CHIA: variants seen among roughly 807,000 people sequenced by gnomAD.
The protein encoded by CHIA is acidic mammalian chitinase.
Under a neutral mutation model 53.5 loss-of-function variants are expected in CHIA, and 47 were observed. The observed-to-expected ratio is 0.88, with a 90% confidence interval of 0.70 to 1.12. The LOEUF (loss-of-function observed/expected upper bound fraction) is 1.12, where lower values mean the gene tolerates loss of function less well. Ranked by LOEUF, CHIA falls within the 50% of genes most tolerant of loss-of-function variation. The probability of loss-of-function intolerance (pLI) is 0.00; values close to 1 mark genes in which losing one functional copy is unlikely to be tolerated. For synonymous variants in CHIA, 268 were observed against 222.2 expected (o/e 1.21, Z -1.83); for missense variants, 652 against 592.2 (o/e 1.10, Z -1.05).
intron 1 of CHIA, among the ~76,000 whole-genome samples, chr1:111,305,233 T>C (rs1221403438): frequency 6.6e-6 from 1 of 152,212 alleles, no homozygotes; most frequent in Admixed American, 6.5e-5. Context: ...TAGTGTTTGA[T>C]GTCTGGCTTC....
At chr1:111,310,344 C>T in intron 1 of CHIA, 56 bp from the exon 2 acceptor site, 1 of 1,537,832 alleles carries the variant, frequency 6.5e-7, no homozygotes. Context: ...AAGAGAAGGT[C>T]CGTTGATTTA....
intron 1 of CHIA, among the ~76,000 whole-genome samples, chr1:111,297,332 C>T (rs1036050082): frequency 2.0e-5 from 3 of 152,116 alleles, no homozygotes; most frequent in Non-Finnish European, 4.4e-5. Flanking sequence ...AGAGAAAGGT[C>T]GGGTTACCCA....
chr1:111,315,677 T>C, intron 6 of CHIA: 1 of 553,354 alleles, frequency 1.8e-6, no homozygotes, highest in Non-Finnish European at 3.4e-6. Context: ...ACTCATTTCA[T>C]CTTCATATTT....
At chr1:111,315,191 C>A in intron 5 of CHIA, 79 bp from the exon 6 acceptor site, 2 of 1,047,968 alleles carry the variant, frequency 1.9e-6, no homozygotes, top group Non-Finnish European at 2.9e-6. Flanking sequence ...GGCTCTGAGG[C>A]AGGAATTGAG....
intron 1 of CHIA, among the ~76,000 whole-genome samples, chr1:111,298,828 G>C (rs1048412006): frequency 6.6e-6 from 1 of 152,000 alleles, no homozygotes; most frequent in African/African-American, 2.4e-5. Context: ...CAACAAAATT[G>C]ATAGACTGCT....
At chr1:111,293,472 T>C (rs1210927512) in intron 1 of CHIA, among the ~76,000 whole-genome samples, 1 of 152,220 alleles carries the variant, frequency 6.6e-6, no homozygotes, top group African/African-American at 2.4e-5. Context: ...AGAAGTTCTC[T>C]CTATATTCTG....
chr1:111,293,069 A>C (rs1324842374), intron 1 of CHIA, among the ~76,000 whole-genome samples: 1 of 152,142 alleles, frequency 6.6e-6, no homozygotes, highest in African/African-American at 2.4e-5. Flanking sequence ...TTTCTTTGAC[A>C]CCAAGCTTTA....
chr1:111,302,016 C>G (rs1647796932), intron 1 of CHIA, among the ~76,000 whole-genome samples: 1 of 152,102 alleles, frequency 6.6e-6, no homozygotes, highest in Non-Finnish European at 1.5e-5. Flanking sequence ...AACAAACCTG[C>G]ACGTTGTGCA....
intron 6 of CHIA, chr1:111,315,670 C>T: frequency 1.8e-6 from 1 of 562,610 alleles, no homozygotes; most frequent in African/African-American, 1.9e-5. Flanking sequence ...AACCATAACT[C>T]ATTTCATCTT....
At chr1:111,298,400 G>C (rs570091164) in intron 1 of CHIA, among the ~76,000 whole-genome samples, 1 of 152,312 alleles carries the variant, frequency 6.6e-6, no homozygotes, top group South Asian at 2.1e-4. Context: ...CTGTCTCTAA[G>C]ACCACAGCGC....
At chr1:111,312,000 A>G (rs1196100593) in intron 3 of CHIA, among the ~76,000 whole-genome samples, 190 bp from the exon 4 acceptor site, 1 of 152,068 alleles carries the variant, frequency 6.6e-6, no homozygotes, top group African/African-American at 2.4e-5. Flanking sequence ...AAAATAAACA[A>G]CTCCAAGTTA....
intron 1 of CHIA, among the ~76,000 whole-genome samples, chr1:111,296,719 T>C (rs755544783): frequency 1.3e-5 from 2 of 152,210 alleles, no homozygotes; most frequent in Non-Finnish European, 2.9e-5. Flanking sequence ...GGACGGAGAA[T>C]ATGTTTGATG....
intron 1 of CHIA, among the ~76,000 whole-genome samples, chr1:111,297,548 C>T (rs1342130454): frequency 1.3e-5 from 2 of 152,242 alleles, no homozygotes; most frequent in African/African-American, 4.8e-5. Flanking sequence ...CACCACCAGG[C>T]CTGCCTTACA....
intron 7 of CHIA, 79 bp from the exon 8 acceptor site, chr1:111,317,907 T>C (rs1649295558): frequency 6.2e-7 from 1 of 1,610,912 alleles, no homozygotes. Flanking sequence ...TTTAGGAGAC[T>C]TTAGAAGTGG....
At chr1:111,315,233 C>A (rs777346536) in intron 5 of CHIA, 37 bp from the exon 6 acceptor site, 14 of 1,567,764 alleles carry the variant, frequency 8.9e-6, no homozygotes, top group Non-Finnish European at 1.2e-5. Context: ...GTTGGGACCA[C>A]CAAGGTCTCA....
chr1:111,310,460 C>CT lies in CHIA; in HGVS notation c.-7dup, dbSNP rs1648572228. 6.2e-7 allele frequency: 1 copy of CT among 1,614,094 alleles called. No homozygotes were observed. Among genetic ancestry groups the CT allele is most frequent in the African/African-American group, 1.3e-5 (1 of 74,946 alleles). On this transcript the variant is annotated 5_prime_UTR_variant, in exon 2 of 12. Transcript: ENST00000369740. ...AAAAGCTCTGCGGGACTGGTGCTGA[C>CT]TGCAACCATGACAAAGCTTATTCTC...
chr1:111,296,093 A>G (rs1661318883), intron 1 of CHIA, among the ~76,000 whole-genome samples: 1 of 152,224 alleles, frequency 6.6e-6, no homozygotes, highest in African/African-American at 2.4e-5. Context: ...ACAGCTCAGC[A>G]AGGCTGGCTG....
chr1:111,296,809 G>C (rs1257900074), intron 1 of CHIA, among the ~76,000 whole-genome samples: 1 of 152,086 alleles, frequency 6.6e-6, no homozygotes, highest in Non-Finnish European at 1.5e-5. Context: ...CCCATCACAA[G>C]GAAGCTAACA....
At chr1:111,303,528 C>T (rs551053123) in intron 1 of CHIA, among the ~76,000 whole-genome samples, 2 of 151,876 alleles carry the variant, frequency 1.3e-5, no homozygotes, top group Admixed American at 1.3e-4. Flanking sequence ...TTTTCTTCCC[C>T]ATTGGTTACA....
Sources: allele counts gnomAD v4.1 joint callset (sites outside exome capture counted in the v4.1 genomes callset), GRCh38; gene constraint gnomAD v4.1.1; transcripts MANE v1.5; gene names NCBI Gene and HGNC (gene_info 2026-07-23, HGNC 2026-07-21).